NCOR2: variants seen among roughly 807,000 people sequenced by gnomAD.
NCOR2 encodes the protein nuclear receptor corepressor 2.
A neutral mutation model predicts 262.9 loss-of-function variants in NCOR2; 81 were observed. The ratio of observed to expected loss-of-function variants is 0.31; its 90% CI spans 0.26 to 0.37. NCOR2 has a LOEUF of 0.37. Among genes scored for constraint, NCOR2 ranks in the 10% least tolerant of loss-of-function variants. The pLI, the probability that NCOR2 is intolerant of heterozygous loss-of-function variation, is 1.00. For synonymous variants in NCOR2, 1,659 were observed against 1,559.3 expected, an observed-to-expected ratio of 1.06 and a Z score of -1.51; for missense variants, 3,385 against 3,621.4, an observed-to-expected ratio of 0.93 and a Z score of 1.68.
At chr12:124,373,861 C>T (rs556930810) in intron 19 of NCOR2, among the ~76,000 whole-genome samples, 59 of 134,108 alleles carry the variant, frequency 4.4e-4, no homozygotes, top group Non-Finnish European at 4.9e-4. Context: ...CCAGTGCGTG[C>T]GCAGGGGCCC....
At position 124,327,541 on chromosome 12, in the gene NCOR2, A is replaced by G. The variant is rs765495545; in HGVS notation, c.7051T>C (p.Tyr2351His). ...GGCGGGGACTCTTCCCACTGGTCAT[A>G]TTTACCCATGAGTGCCTTTCTAATT... Residue 2351 changes from tyrosine to histidine, a missense_variant, in exon 45 of 47, where the codon TAT becomes CAT. Tyr to His is a moderately conservative substitution (Grantham distance 83). This residue lies in a region of NCOR2 where 1,017 missense variants were observed against 967.2 expected (regional missense o/e 1.05). Coordinates refer to ENST00000405201, the Ensembl canonical transcript of NCOR2. The G allele has an allele frequency of 6.2e-7, 1 of 1,613,830 alleles. No individual in the cohort carries two copies. The highest frequency in any genetic ancestry group is 8.5e-7 in the Non-Finnish European group (1 of 1,179,992).
At chr12:124,557,994 T>C (rs2051938479) in intron 1 of NCOR2, among the ~76,000 whole-genome samples, 2 of 152,116 alleles carry the variant, frequency 1.3e-5, no homozygotes, top group South Asian at 4.2e-4. Context: ...GGCCTGGAGC[T>C]GCATCCGGCC....
At chr12:124,519,772 GCT>G (rs2050071208) in intron 1 of NCOR2, among the ~76,000 whole-genome samples, 1 of 152,208 alleles carries the variant, frequency 6.6e-6, no homozygotes, top group African/African-American at 2.4e-5. Flanking sequence ...CCAGCACTGT[GCT>G]AAGCGGGTCC....
chr12:124,491,213 T>C (rs566374446), intron 1 of NCOR2, among the ~76,000 whole-genome samples: 1 of 152,380 alleles, frequency 6.6e-6, no homozygotes, highest in South Asian at 2.1e-4. Flanking sequence ...AAGTGTACCC[T>C]TGGGGCAAGA....
At chr12:124,338,486 C>T (rs533614178) in intron 37 of NCOR2, among the ~76,000 whole-genome samples, 19 of 140,368 alleles carry the variant, frequency 1.4e-4, no homozygotes, top group Admixed American at 9.1e-4. Flanking sequence ...CCAGCCTGGG[C>T]GACAGAGTAC....
rs2050240669 is a variant in NCOR2 at position 124,522,460 on chromosome 12, C to G, written c.-118+13105G>C. Among the ~76,000 whole-genome samples, 3 of 152,190 alleles carry G rather than the reference C, an allele frequency of 2.0e-5. No homozygotes were observed. In the South Asian group the frequency reaches 6.2e-4, roughly 32 times the overall value. ...CTGTGTCTTCCAGTTCCCAGTGGCT[C>G]CTGGCGTTCCTTCCGTCTTCACGTG... On this transcript the variant is annotated intron_variant, in intron 1 of 46. Transcript: ENST00000404621.
At chr12:124,368,847 G>T (rs560397373) in intron 20 of NCOR2, among the ~76,000 whole-genome samples, 7 of 152,378 alleles carry the variant, frequency 4.6e-5, no homozygotes, top group Non-Finnish European at 7.3e-5. Flanking sequence ...TCAGGGCCTT[G>T]TCTGTGCAGT....
intron 44 of NCOR2, 74 bp downstream of exon 46, chr12:124,330,771 T>A: frequency 6.7e-7 from 1 of 1,495,604 alleles, no homozygotes; most frequent in Non-Finnish European, 9.1e-7. Flanking sequence ...CGTCCCTTCA[T>A]GACAGCTGGA....
At chr12:124,554,736 C>T (rs900751790) in intron 1 of NCOR2, among the ~76,000 whole-genome samples, 2 of 152,270 alleles carry the variant, frequency 1.3e-5, no homozygotes, top group African/African-American at 2.4e-5. Context: ...CGGGAGGTGC[C>T]GCTGCGGCAA....
chr12:124,495,426 T>C (rs2048326860), upstream of NCOR2: 2 of 1,306,334 alleles, frequency 1.5e-6, no homozygotes, highest in South Asian at 3.1e-5. This position sits in a 1 kb window ranked among gnomAD's most constrained non-coding sequence, Gnocchi z 4.4. Context: ...GGCTCCTCCG[T>C]GCACAGGTCC....
chr12:124,375,865 G>A (rs1211309533), intron 18 of NCOR2, among the ~76,000 whole-genome samples: 2 of 152,308 alleles, frequency 1.3e-5, no homozygotes, highest in African/African-American at 4.8e-5. Flanking sequence ...GCAACAAGAC[G>A]CTTTCCACTG....
chr12:124,355,603 C>T lies in NCOR2; in HGVS notation c.3242-32G>A, dbSNP rs747268172. The stretch of plus-strand genomic sequence containing the variant: ...AGCACATGTCTGTCCATTGTGGGGC[C>T]CAGGAGCGGTCACGTCCCTGCCGGA... On this transcript the variant is annotated intron_variant, in intron 23 of 46. Transcript: ENST00000405201. 6.6e-6 allele frequency: 10 copies of T among 1,522,780 alleles called. No individual in the cohort carries two copies. In the South Asian group the frequency reaches 1.3e-4, roughly 20 times the overall value. The allele number at this position is 1,522,780 out of a possible 1,614,324, so 94.3% of individuals were successfully genotyped here. A position where few individuals can be genotyped will look rare whatever the true frequency, so the allele number is the denominator to read the frequency against.
Position 124,347,889 on chromosome 12 carries a change from C to T in NCOR2, c.4008G>A (p.Pro1336=), listed in dbSNP as rs750211430. ...GGTGGTGGGGGCTGTGTCGCTCCGG[C>T]GGGATGGCACGGCCCATGAGACCTG... The change falls in exon 30 of 47, where the codon CCG becomes CCA. Residue 1336 remains proline (P), a synonymous_variant. Coordinates refer to ENST00000405201, the Ensembl canonical transcript of NCOR2. The T allele has an allele frequency of 1.3e-4, 200 of 1,563,822 alleles. 1 individual carries two copies. In the South Asian group the frequency reaches 2.1e-3, roughly 17 times the overall value.
chr12:124,424,305 C>T (rs900052960), intron 11 of NCOR2, among the ~76,000 whole-genome samples: 7 of 152,262 alleles, frequency 4.6e-5, no homozygotes, highest in South Asian at 2.1e-4. Flanking sequence ...TCTTAACACC[C>T]GTGACCGTCC....
At chr12:124,526,870 C>T (rs943012556) in intron 1 of NCOR2, among the ~76,000 whole-genome samples, 1 of 152,160 alleles carries the variant, frequency 6.6e-6, no homozygotes, top group Non-Finnish European at 1.5e-5. Flanking sequence ...CATGCTCCTC[C>T]ACCTCCCTGA....
chr12:124,521,692 T>C (rs1177681400), intron 1 of NCOR2, among the ~76,000 whole-genome samples: 1 of 152,080 alleles, frequency 6.6e-6, no homozygotes, highest in Non-Finnish European at 1.5e-5. Context: ...GTGCTCAACA[T>C]TGTGATTGTA....
intron 1 of NCOR2, among the ~76,000 whole-genome samples, chr12:124,552,446 C>T (rs758800567): frequency 2.6e-4 from 40 of 152,218 alleles, no homozygotes; most frequent in Non-Finnish European, 5.1e-4. Context: ...TTTCTCTCTT[C>T]ACTCTGTGCT....
intron 23 of NCOR2, among the ~76,000 whole-genome samples, chr12:124,356,012 C>A (rs1205775797): frequency 6.6e-6 from 1 of 152,248 alleles, no homozygotes; most frequent in Non-Finnish European, 1.5e-5. Flanking sequence ...CCTGACCTGG[C>A]CCCTGGGTCT....
At chr12:124,545,913 T>A (rs1054108531) in intron 1 of NCOR2, among the ~76,000 whole-genome samples, 1 of 152,142 alleles carries the variant, frequency 6.6e-6, no homozygotes, top group Non-Finnish European at 1.5e-5. Flanking sequence ...TGGCCCCACC[T>A]CAGAGTCTCC....
Sources: allele counts gnomAD v4.1 joint callset (sites outside exome capture counted in the v4.1 genomes callset), GRCh38; gene constraint gnomAD v4.1.1; regional missense constraint gnomAD v4.1.1; non-coding constraint Gnocchi (gnomAD v3.1); transcripts MANE v1.5; gene names NCBI Gene and HGNC (gene_info 2026-07-23, HGNC 2026-07-21).